The following TMEM135 variants were observed in gnomAD, a reference collection of about 807,000 sequenced individuals.
TMEM135 encodes the protein peroxisomal membrane protein 52.
Under a neutral mutation model 60.3 loss-of-function variants are expected in TMEM135, and 30 were observed. The observed-to-expected ratio is 0.50, with a 90% CI of 0.37 to 0.68. The LOEUF (loss-of-function observed/expected upper bound fraction) is 0.68. Ranked by LOEUF, TMEM135 falls within the 30% of genes least tolerant of loss-of-function variation. The pLI, the probability that TMEM135 is intolerant of heterozygous loss-of-function variation, is 0.00. For missense variants in TMEM135, 468 were observed against 548.8 expected (o/e 0.85, Z 1.47); for synonymous variants, 190 against 186.7 (o/e 1.02, Z -0.14).
At position 87,273,785 on chromosome 11, in the gene TMEM135, A is replaced by T. The variant is rs529193552; in HGVS notation, c.510-21997A>T. ...CAAAATCTTTATAATAAATCTTTTA[A>T]GGGAAGGTCTCACCTATTTTATAGA... On this transcript the variant is annotated intron_variant, in intron 6 of 14. Coordinates refer to ENST00000305494, the MANE Select transcript of TMEM135 (RefSeq NM_022918.4). Among the ~76,000 whole-genome samples, 3 of 152,316 alleles carry T rather than the reference A, an allele frequency of 2.0e-5. No individual in the cohort carries two copies. In the East Asian group the frequency reaches 5.8e-4, roughly 29 times the overall value.
chr11:87,239,201 C>T (rs1941075469), intron 6 of TMEM135, among the ~76,000 whole-genome samples: 1 of 151,984 alleles, frequency 6.6e-6, no homozygotes, highest in African/African-American at 2.4e-5. Flanking sequence ...TTCCAGAAGG[C>T]TCAATACAAG....
chr11:87,053,468 A>C (rs1164148618), intron 1 of TMEM135, among the ~76,000 whole-genome samples: 1 of 152,194 alleles, frequency 6.6e-6, no homozygotes, highest in Admixed American at 6.5e-5. Flanking sequence ...TTAGTTATTG[A>C]GTACTTACTT....
intron 1 of TMEM135, among the ~76,000 whole-genome samples, chr11:87,055,385 T>C (rs77118383): frequency 6.6e-6 from 1 of 152,310 alleles, no homozygotes; most frequent in East Asian, 1.9e-4. Context: ...GTAAGAAAAG[T>C]TAACTGCCTA....
chr11:87,175,321 A>G (rs1209290313), intron 5 of TMEM135, among the ~76,000 whole-genome samples: 1 of 152,150 alleles, frequency 6.6e-6, no homozygotes, highest in Non-Finnish European at 1.5e-5. Context: ...TGCTTTAAAT[A>G]GCTTACTGTG....
chr11:87,311,826 T>A (rs991152488), intron 10 of TMEM135, among the ~76,000 whole-genome samples: 3 of 152,032 alleles, frequency 2.0e-5, no homozygotes, highest in Admixed American at 1.3e-4. Flanking sequence ...GACCCTTTTT[T>A]AAAAATTTGT....
chr11:87,213,355 T>C (rs983633790), intron 5 of TMEM135, among the ~76,000 whole-genome samples: 1 of 152,158 alleles, frequency 6.6e-6, no homozygotes, highest in East Asian at 1.9e-4. Flanking sequence ...GATTTTGTTT[T>C]GGCAGTGTAT....
chr11:87,299,302 A>C (rs1942404526), intron 7 of TMEM135, among the ~76,000 whole-genome samples: 1 of 152,198 alleles, frequency 6.6e-6, no homozygotes, highest in African/African-American at 2.4e-5. Flanking sequence ...GGCCAAGAGG[A>C]AGCAGGCTTC....
At chr11:87,267,237 T>C (rs12287316) in intron 6 of TMEM135, among the ~76,000 whole-genome samples, 2,464 of 152,302 alleles carry the variant, frequency 0.016, 77 homozygotes, top group African/African-American at 0.056. Flanking sequence ...AGAATTTTAG[T>C]TCCTTCATGG....
rs371452114 is a variant in TMEM135 at position 87,134,620 on chromosome 11, T to C, written c.397-22721T>C. 3.9e-5 allele frequency among the ~76,000 whole-genome samples: 6 copies of C among 152,320 alleles called. No individual in the cohort carries two copies. In the South Asian group the frequency reaches 8.3e-4, roughly 21 times the overall value. ...CCTCAGACTCCTGAGTAGCTGGGACTGTAGGCATGTGCCACCAGGCCTGGC... is the reference window on the plus strand; with the variant it reads ...CCTCAGACTCCTGAGTAGCTGGGACCGTAGGCATGTGCCACCAGGCCTGGC... On this transcript the variant is annotated intron_variant, in intron 4 of 14. Coordinates refer to ENST00000305494, the MANE Select transcript of TMEM135 (RefSeq NM_022918.4).
intron 1 of TMEM135, among the ~76,000 whole-genome samples, chr11:87,058,873 C>G (rs1047502761): frequency 1.3e-5 from 2 of 152,004 alleles, no homozygotes; most frequent in Non-Finnish European, 2.9e-5. Flanking sequence ...GCCTGCCTCA[C>G]CCTCCCAAAG....
At chr11:87,163,730 C>G (rs1938956511) in intron 5 of TMEM135, among the ~76,000 whole-genome samples, 1 of 148,478 alleles carries the variant, frequency 6.7e-6, no homozygotes, top group African/African-American at 2.5e-5. Flanking sequence ...GATTGCCATT[C>G]TAACTGGTGT....
intron 7 of TMEM135, among the ~76,000 whole-genome samples, chr11:87,298,870 G>T (rs1218327751): frequency 1.3e-5 from 2 of 150,802 alleles, no homozygotes; most frequent in African/African-American, 4.9e-5. Flanking sequence ...GGTAGATCAC[G>T]AGGTCAGCAG....
chr11:87,094,862 G>T, intron 4 of TMEM135: 1 of 163,438 alleles, frequency 6.1e-6, no homozygotes, highest in East Asian at 1.6e-4. Flanking sequence ...TTTGAAAGAT[G>T]GTATAATCCA....
rs1381187145 is a variant in TMEM135 at position 87,051,547 on chromosome 11, G to C, written c.141+13361G>C. Among the ~76,000 whole-genome samples the C allele has an allele frequency of 5.8e-5, 4 of 68,492 alleles. 2 individuals carry two copies. Among genetic ancestry groups the C allele is most frequent in the African/African-American group, 2.6e-4 (2 of 7,570 alleles). The allele number at this position is 68,492 out of a possible 152,430, so 44.9% of individuals were successfully genotyped here. A position where few individuals can be genotyped will look rare whatever the true frequency, so the allele number is the denominator to read the frequency against. Reference sequence around the variant, plus strand: ...ACAGACAGAGAGCCAAATCATAAGTGAACTCCCATTCACAATTGCTTCAAA... The same window carrying C: ...ACAGACAGAGAGCCAAATCATAAGTCAACTCCCATTCACAATTGCTTCAAA... On this transcript the variant is annotated intron_variant, in intron 1 of 14. Coordinates refer to ENST00000305494, the MANE Select transcript of TMEM135 (RefSeq NM_022918.4).
At chr11:87,251,120 A>T (rs1056954445) in intron 6 of TMEM135, among the ~76,000 whole-genome samples, 1 of 152,210 alleles carries the variant, frequency 6.6e-6, no homozygotes, top group Non-Finnish European at 1.5e-5. Context: ...CTTTTATGAC[A>T]TTCAGCTAGA....
At chr11:87,238,921 A>G (rs1036208880) in intron 6 of TMEM135, among the ~76,000 whole-genome samples, 9 of 152,022 alleles carry the variant, frequency 5.9e-5, no homozygotes, top group Non-Finnish European at 1.2e-4. Context: ...CCATTGTGGC[A>G]CTTAAAGACA....
chr11:87,140,309 C>T (rs924406442), intron 4 of TMEM135, among the ~76,000 whole-genome samples: 14 of 152,248 alleles, frequency 9.2e-5, no homozygotes, highest in African/African-American at 2.6e-4. Flanking sequence ...CCTCGTGATC[C>T]GCCTGCCATG....
chr11:87,101,454 A>G (rs1191850415), intron 4 of TMEM135, among the ~76,000 whole-genome samples: 1 of 152,240 alleles, frequency 6.6e-6, no homozygotes, highest in Non-Finnish European at 1.5e-5. Flanking sequence ...ATTTTATTAT[A>G]AGAAAAAAAT....
intron 4 of TMEM135, among the ~76,000 whole-genome samples, chr11:87,137,802 G>A (rs1439830911): frequency 6.6e-6 from 1 of 152,012 alleles, no homozygotes; most frequent in Non-Finnish European, 1.5e-5. Flanking sequence ...AACATAGTAT[G>A]TTGTTACGTC....
Sources: allele counts gnomAD v4.1 joint callset (sites outside exome capture counted in the v4.1 genomes callset), GRCh38; gene constraint gnomAD v4.1.1; transcripts MANE v1.5; gene names NCBI Gene and HGNC (gene_info 2026-07-23, HGNC 2026-07-21).